Variants in TRIM44 observed in about 807,000 individuals in gnomAD.
TRIM44 encodes tripartite motif containing 44.
Under a neutral mutation model 37.4 loss-of-function variants are expected in TRIM44, and 13 were observed. The observed-to-expected ratio is 0.35, with a 90% CI of 0.23 to 0.55. The LOEUF (loss-of-function observed/expected upper bound fraction) is 0.55. Ranked by LOEUF, TRIM44 falls within the 20% of genes least tolerant of loss-of-function variation. TRIM44 has a pLI of 0.89. For missense variants in TRIM44, 426 were observed against 437.2 expected (o/e 0.97, Z 0.23); for synonymous variants, 175 against 157.2 (o/e 1.11, Z -0.85).
intron 4 of TRIM44, among the ~76,000 whole-genome samples, chr11:35,780,487 G>A (rs1367385187): frequency 1.3e-5 from 2 of 152,102 alleles, no homozygotes; most frequent in African/African-American, 4.8e-5. Flanking sequence ...ACTTTCTTAG[G>A]GATTCTACAT....
chr11:35,772,252 C>T lies in TRIM44; in HGVS notation c.1008-34106C>T, dbSNP rs180977873. 6.2e-3 allele frequency among the ~76,000 whole-genome samples: 941 copies of T among 152,260 alleles called. 6 individuals are homozygous for T. The highest frequency in any genetic ancestry group is 9.3e-3 in the Admixed American group (143 of 15,298). On this transcript the variant is annotated intron_variant, in intron 4 of 4. Transcript: ENST00000299413. ...CCCAGGCATAAGTTTGCTGCAGGGG[C>T]GGGGTACTCATGGAGAACCTCTGCT...
intron 1 of TRIM44, among the ~76,000 whole-genome samples, chr11:35,668,893 G>A (rs1304225861): frequency 6.6e-6 from 1 of 152,124 alleles, no homozygotes; most frequent in African/African-American, 2.4e-5. Context: ...ATTTTCAAAT[G>A]TGCTAGTATA....
At chr11:35,706,392 A>C (rs1851881641) in intron 2 of TRIM44, among the ~76,000 whole-genome samples, 1 of 152,226 alleles carries the variant, frequency 6.6e-6, no homozygotes, top group Non-Finnish European at 1.5e-5. Context: ...AAAAGAGGGA[A>C]TCCTCCCTAA....
At chr11:35,717,125 T>C (rs557476155) in intron 2 of TRIM44, among the ~76,000 whole-genome samples, 21 of 152,336 alleles carry the variant, frequency 1.4e-4, no homozygotes, top group Middle Eastern at 3.4e-3. Context: ...ACTGATTTCC[T>C]GTAGAGAAAA....
intron 3 of TRIM44, among the ~76,000 whole-genome samples, chr11:35,732,781 G>T (rs1410924271): frequency 6.6e-6 from 1 of 152,116 alleles, no homozygotes; most frequent in African/African-American, 2.4e-5. Flanking sequence ...CAGGTAGCAG[G>T]AACATCACAT....
At chr11:35,719,062 A>G (rs1026586866) in intron 2 of TRIM44, among the ~76,000 whole-genome samples, 19 of 152,080 alleles carry the variant, frequency 1.2e-4, no homozygotes, top group African/African-American at 3.4e-4. Context: ...GCAGGTTTTT[A>G]TGTGGATGTA....
intron 2 of TRIM44, among the ~76,000 whole-genome samples, chr11:35,712,939 C>T (rs767718329): frequency 7.9e-5 from 12 of 152,210 alleles, no homozygotes; most frequent in Non-Finnish European, 1.3e-4. Flanking sequence ...TTAGTTCAAG[C>T]TCTCATTCAG....
chr11:35,782,339 A>G (rs1023502455), intron 4 of TRIM44, among the ~76,000 whole-genome samples: 1 of 152,184 alleles, frequency 6.6e-6, no homozygotes, highest in African/African-American at 2.4e-5. Context: ...TCCTATACTT[A>G]TGTATAGGGC....
intron 2 of TRIM44, chr11:35,724,418 A>G (rs1231931192): frequency 1.3e-5 from 2 of 152,222 alleles, no homozygotes; most frequent in Non-Finnish European, 2.9e-5. Flanking sequence ...GGGTTCATTT[A>G]GATGACAACT....
chr11:35,688,123 C>G (rs1225052029), intron 2 of TRIM44, among the ~76,000 whole-genome samples: 1 of 152,200 alleles, frequency 6.6e-6, no homozygotes, highest in African/African-American at 2.4e-5. Context: ...CCACCATCCC[C>G]TTTTTGAGTT....
At chr11:35,663,952 C>G (rs1337253157) in intron 1 of TRIM44, among the ~76,000 whole-genome samples, 172 bp downstream of exon 1, 3 of 152,072 alleles carry the variant, frequency 2.0e-5, no homozygotes, top group Non-Finnish European at 2.9e-5. Flanking sequence ...TTTTGAGAAT[C>G]TGATGAAAGT....
intron 4 of TRIM44, among the ~76,000 whole-genome samples, chr11:35,750,539 A>T (rs143659944): frequency 3.3e-5 from 5 of 152,312 alleles, no homozygotes; most frequent in African/African-American, 1.2e-4. Context: ...CAGCCTTGTG[A>T]TAATGAAATA....
Position 35,703,109 on chromosome 11 carries a change from C to T in TRIM44, c.747+17773C>T, listed in dbSNP as rs370211633. Among the ~76,000 whole-genome samples, 3 of 152,212 alleles carry T rather than the reference C, an allele frequency of 2.0e-5. No individual in the cohort carries two copies. In the East Asian group the frequency reaches 5.8e-4, roughly 29 times the overall value. On this transcript the variant is annotated intron_variant, in intron 2 of 4. Transcript: ENST00000299413. ...AACGGCGCACCAGGAGATTATATCCCGCACATGGCTCGGAGGGTCCTATGC... is the reference window on the plus strand; with the variant it reads ...AACGGCGCACCAGGAGATTATATCCTGCACATGGCTCGGAGGGTCCTATGC...
Position 35,663,095 on chromosome 11 carries a change from C to G in TRIM44, c.-17C>G, listed in dbSNP as rs890441894. The G allele has an allele frequency of 1.3e-6, 2 of 1,498,662 alleles. No individual in the cohort carries two copies. Among genetic ancestry groups the G allele is most frequent in the East Asian group, 2.3e-5 (1 of 43,694 alleles). The allele number at this position is 1,498,662 out of a possible 1,614,324, so 92.8% of individuals were successfully genotyped here. ...AGCCCCGGGGCCCCGAGGCCTTGGC[C>G]GCGTCACAGCACCCACATGGCCTCT... On this transcript the variant is annotated 5_prime_UTR_variant, in exon 1 of 5. Coordinates refer to ENST00000299413, the MANE Select transcript of TRIM44 (RefSeq NM_017583.6).
At chr11:35,778,511 C>T (rs972922091) in intron 4 of TRIM44, among the ~76,000 whole-genome samples, 1 of 152,186 alleles carries the variant, frequency 6.6e-6, no homozygotes, top group Non-Finnish European at 1.5e-5. Context: ...TGGCAAGTAG[C>T]TGCGTTCCTT....
chr11:35,680,306 A>T (rs1038074239), intron 1 of TRIM44, among the ~76,000 whole-genome samples: 2 of 152,174 alleles, frequency 1.3e-5, no homozygotes, highest in African/African-American at 4.8e-5. Flanking sequence ...TAATAGGAAT[A>T]TATTTAACTC....
intron 4 of TRIM44, among the ~76,000 whole-genome samples, chr11:35,791,791 T>C (rs768878210): frequency 6.6e-6 from 1 of 152,176 alleles, no homozygotes; most frequent in African/African-American, 2.4e-5. Context: ...TCTTCTCTTA[T>C]GGCTCATAGC....
rs191430373 is a variant in TRIM44, at chr11:35,677,438, G to A, written c.670-7821G>A. On this transcript the variant is annotated intron_variant, in intron 1 of 4. Transcript: ENST00000299413. ...TATTTTTTTTATTTTGTTCTATTCA[G>A]CACTTCTCTAGGTCAATACCTGATA... Among the ~76,000 whole-genome samples, 344 of 151,178 alleles carry A rather than the reference G, an allele frequency of 2.3e-3. 6 individuals carry two copies. The highest frequency in any genetic ancestry group is 0.021 in the Admixed American group (321 of 15,190).
chr11:35,699,366 A>C (rs995706640), intron 2 of TRIM44, among the ~76,000 whole-genome samples: 7 of 152,196 alleles, frequency 4.6e-5, no homozygotes, highest in African/African-American at 1.4e-4. Flanking sequence ...TGATTATCTC[A>C]ATAGTTACAG....
Sources: gnomAD v4.1 joint callset for allele counts (sites outside exome capture counted in the v4.1 genomes callset) on GRCh38, gnomAD v4.1.1 for gene constraint, MANE v1.5 for transcripts, NCBI Gene and HGNC (gene_info 2026-07-23, HGNC 2026-07-21) for gene names.